The following TMEM181 variants were observed in gnomAD, a reference collection of about 807,000 sequenced individuals.
TMEM181 encodes transmembrane protein 181.
In TMEM181, 39 loss-of-function variants were observed where a neutral mutation model predicts 71.9. The ratio of observed to expected loss-of-function variants is 0.54; its 90% CI spans 0.42 to 0.71. TMEM181 has a LOEUF of 0.71. Among genes scored for constraint, TMEM181 ranks in the 30% least tolerant of loss-of-function variants. TMEM181 has a pLI of 0.00. For missense variants in TMEM181, 595 were observed against 583.0 expected, an observed-to-expected ratio of 1.02 and a Z score of -0.21; for synonymous variants, 245 against 228.8, an observed-to-expected ratio of 1.07 and a Z score of -0.64.
chr6:158,603,964 A>T (rs1784806054), intron 6 of TMEM181, among the ~76,000 whole-genome samples: 1 of 152,180 alleles, frequency 6.6e-6, no homozygotes, highest in Admixed American at 6.5e-5. Context: ...GCTTTTCAAC[A>T]TTGCTAGGTG....
At chr6:158,549,203 C>T (rs937870918) in intron 1 of TMEM181, among the ~76,000 whole-genome samples, 10 of 151,454 alleles carry the variant, frequency 6.6e-5, no homozygotes, top group African/African-American at 1.7e-4. Context: ...CTGCAACCTC[C>T]GCCTCCCGGG....
chr6:158,544,315 G>A (rs1781456496), intron 1 of TMEM181, among the ~76,000 whole-genome samples: 1 of 151,782 alleles, frequency 6.6e-6, no homozygotes, highest in Non-Finnish European at 1.5e-5. Flanking sequence ...GCGCATCCTG[G>A]CTTGAAAGTC....
intron 6 of TMEM181, among the ~76,000 whole-genome samples, chr6:158,596,689 T>A (rs1376046287): frequency 6.6e-6 from 1 of 152,178 alleles, no homozygotes; most frequent in East Asian, 1.9e-4. Flanking sequence ...GGGGTTTAAT[T>A]GGACATAGAG....
At chr6:158,606,734 ACTC>A (rs947852048) in intron 7 of TMEM181, among the ~76,000 whole-genome samples, 1 of 152,134 alleles carries the variant, frequency 6.6e-6, no homozygotes, top group Non-Finnish European at 1.5e-5. Flanking sequence ...TTGTTACAAG[ACTC>A]CTACATTCTC....
Position 158,587,411 on chromosome 6 carries a change from G to C in TMEM181, c.381+1986G>C, listed in dbSNP as rs186652196. ...CTTGCTTCTGTTCCTTGTCTACGCA[G>C]GTCTCTAACCCTGCAAGGAGCATTG... On this transcript the variant is annotated intron_variant, in intron 5 of 16. Coordinates refer to ENST00000684151, the MANE Select transcript of TMEM181 (RefSeq NM_001376852.1). Among the ~76,000 whole-genome samples the C allele has an allele frequency of 2.8e-4, 42 of 152,200 alleles. No individual in the cohort carries two copies. In the South Asian group the frequency reaches 3.1e-3, roughly 11 times the overall value.
chr6:158,635,158 A>T lies in TMEM181; in HGVS notation c.*3270A>T, dbSNP rs1268034119. The T allele has an allele frequency of 6.6e-6, 1 of 152,226 alleles. No homozygotes were observed. The highest frequency in any genetic ancestry group is 1.5e-5 in the Non-Finnish European group (1 of 68,042). The allele number at this position is 152,226 out of a possible 1,614,324, so 9.4% of individuals were successfully genotyped here. On this transcript the variant is annotated 3_prime_UTR_variant, in exon 17 of 17. Coordinates refer to ENST00000684151, the MANE Select transcript of TMEM181 (RefSeq NM_001376852.1). ...CTAGTAACTGTGATACCATACTATA[A>T]AACAGAAGAATTTTCTGCTACTAAA...
chr6:158,568,901 T>A (rs554885700), intron 1 of TMEM181, among the ~76,000 whole-genome samples: 16 of 152,356 alleles, frequency 1.1e-4, no homozygotes, highest in African/African-American at 3.8e-4. Flanking sequence ...AGCAACAGTT[T>A]TAGAGCTATG....
At position 158,623,730 on chromosome 6, in the gene TMEM181, A is replaced by G; in HGVS notation, c.954+123A>G. On this transcript the variant is annotated intron_variant, in intron 11 of 16. Coordinates refer to ENST00000684151, the MANE Select transcript of TMEM181 (RefSeq NM_001376852.1). ...TAACTGACTACTTGGGAAGGACTAC[A>G]TAGAAAGTTCAAGGGTGGAAGATTT... 3 of 625,176 alleles carry G rather than the reference A, an allele frequency of 4.8e-6. No individual in the cohort carries two copies. In the South Asian group the frequency reaches 8.4e-5, roughly 18 times the overall value. 38.7% of individuals were successfully genotyped at this position (625,176 alleles called of 1,614,324 possible). A position where few individuals can be genotyped will look rare whatever the true frequency, so the allele number is the denominator to read the frequency against.
At chr6:158,619,846 C>G (rs978859118) in intron 10 of TMEM181, among the ~76,000 whole-genome samples, 1 of 130,252 alleles carries the variant, frequency 7.7e-6, no homozygotes, top group African/African-American at 3.0e-5. Flanking sequence ...TCCAGCCTGG[C>G]GACACAGCGA....
chr6:158,609,151 C>A (rs1275620436), intron 10 of TMEM181, among the ~76,000 whole-genome samples: 4 of 151,750 alleles, frequency 2.6e-5, no homozygotes, highest in Admixed American at 1.3e-4. Flanking sequence ...TCTGTGAACT[C>A]ATCCAGAAAA....
chr6:158,582,295 C>T (rs1279284585), intron 3 of TMEM181, among the ~76,000 whole-genome samples: 1 of 152,150 alleles, frequency 6.6e-6, no homozygotes, highest in Non-Finnish European at 1.5e-5. Context: ...ACACAGCAGC[C>T]ATTCCACTGA....
At chr6:158,592,197 A>G (rs138009656) in intron 6 of TMEM181, among the ~76,000 whole-genome samples, 361 of 152,350 alleles carry the variant, frequency 2.4e-3, no homozygotes, top group Middle Eastern at 0.014. Flanking sequence ...TAGGCTTGCA[A>G]TAGATATGTA....
intron 1 of TMEM181, among the ~76,000 whole-genome samples, chr6:158,538,454 C>CTTT (rs111437459): frequency 6.9e-5 from 10 of 143,956 alleles, no homozygotes; most frequent in South Asian, 2.2e-4. Context: ...CATGCCTGGC[C>CTTT]TTTTTTTTTT....
At chr6:158,577,559 C>G (rs940364480) in intron 2 of TMEM181, among the ~76,000 whole-genome samples, 3 of 152,154 alleles carry the variant, frequency 2.0e-5, no homozygotes, top group African/African-American at 7.2e-5. Context: ...GAAAACTTCC[C>G]ATATTTGGTG....
rs762414981 is a variant in TMEM181, at chr6:158,589,779, C to T, written c.489C>T (p.Phe163=). 3 of 1,607,096 alleles carry T rather than the reference C, an allele frequency of 1.9e-6. No individual in the cohort carries two copies. In the South Asian group the frequency reaches 3.3e-5, roughly 18 times the overall value. The change falls in exon 6 of 17, where the codon TTC becomes TTT. Residue 163 remains phenylalanine (F), a synonymous_variant. Coordinates refer to ENST00000684151, the MANE Select transcript of TMEM181 (RefSeq NM_001376852.1). The stretch of plus-strand genomic sequence containing the variant: ...AGCTCCCCATCAAGGGAATGAACTT[C>T]ACAGTAAGTATACCAGCTGACTGCA... ...HLKLPIKGMN[F]TWKTYNPAFS...
chr6:158,561,549 G>T (rs1782177160), intron 1 of TMEM181, among the ~76,000 whole-genome samples: 1 of 152,212 alleles, frequency 6.6e-6, no homozygotes, highest in Non-Finnish European at 1.5e-5. Flanking sequence ...TAGGTGGGCT[G>T]GGTGTGCTTT....
intron 1 of TMEM181, 23 bp downstream of exon 1, chr6:158,560,255 G>T (rs1211825912): frequency 1.0e-6 from 1 of 984,226 alleles, no homozygotes; most frequent in Non-Finnish European, 1.2e-6. Context: ...CCGAGCGGGC[G>T]GGCTGGCTGG....
At chr6:158,619,685 A>G (rs572767858) in intron 10 of TMEM181, among the ~76,000 whole-genome samples, 2 of 152,290 alleles carry the variant, frequency 1.3e-5, no homozygotes, top group Non-Finnish European at 2.9e-5. Context: ...CCTGGCCAAC[A>G]TGGTGAAATG....
intron 2 of TMEM181, among the ~76,000 whole-genome samples, chr6:158,576,852 G>A (rs1386884450): frequency 6.6e-6 from 1 of 151,954 alleles, no homozygotes; most frequent in Non-Finnish European, 1.5e-5. Flanking sequence ...CACGACGTCA[G>A]GAGATCGAGA....
Sources: allele counts gnomAD v4.1 joint callset (sites outside exome capture counted in the v4.1 genomes callset), GRCh38; gene constraint gnomAD v4.1.1; transcripts MANE v1.5; gene names NCBI Gene and HGNC (gene_info 2026-07-23, HGNC 2026-07-21).